Variants in ASTL observed in about 807,000 individuals in gnomAD.
The protein encoded by ASTL is astacin-like metalloendopeptidase.
Under a neutral mutation model 36.7 loss-of-function variants are expected in ASTL, and 27 were observed. The ratio of observed to expected loss-of-function variants is 0.73; its 90% CI spans 0.54 to 1.01. The LOEUF is 1.01. ASTL is among the 50% of genes least tolerant of loss of function. The pLI is 0.00. For missense variants in ASTL, 524 were observed against 572.8 expected, an observed-to-expected ratio of 0.91 and a Z score of 0.87; for synonymous variants, 222 against 228.1, an observed-to-expected ratio of 0.97 and a Z score of 0.24.
intron 8 of ASTL, among the ~76,000 whole-genome samples, chr2:96,129,399 A>G (rs1682123701): frequency 6.6e-6 from 1 of 152,184 alleles, no homozygotes; most frequent in Non-Finnish European, 1.5e-5. Context: ...TGCTTTCAAT[A>G]CAGGTAATCA....
chr2:96,135,405 G>A lies in ASTL; in HGVS notation c.189C>T (p.Ile63=). 6.2e-7 allele frequency: 1 copy of A among 1,614,176 alleles called. No individual in the cohort carries two copies. ...KDIPAINQGL[I]LEETPESSFL... ...AGCTGCTCTCTGGGGTTTCTTCCAG[G>A]ATGAGCCCTGGGAAAGGAAGAAGGA... The change falls in exon 3 of 9, where the codon ATC becomes ATT. Residue 63 remains isoleucine, a synonymous_variant. Transcript: ENST00000342380.
At chr2:96,130,304 C>G (rs750133876) in intron 6 of ASTL, among the ~76,000 whole-genome samples, 159 bp from the exon 7 acceptor site, 3 of 152,154 alleles carry the variant, frequency 2.0e-5, no homozygotes, top group Admixed American at 6.5e-5. Context: ...GTCCCACTTT[C>G]CCAGCCCTGG....
chr2:96,132,388 C>A lies in ASTL; in HGVS notation c.637+152G>T. ...GAGTACCACCTCCAGGTACCAGGTACCAGACAGAAGTGAGACCCCCACCTT... is the reference window on the plus strand; with the variant it reads ...GAGTACCACCTCCAGGTACCAGGTAACAGACAGAAGTGAGACCCCCACCTT... On this transcript the variant is annotated intron_variant, in intron 6 of 8. Transcript: ENST00000342380. This position sits in a 1 kb window ranked among gnomAD's most constrained non-coding sequence, Gnocchi z 5.4. 7.5e-6 allele frequency: 5 copies of A among 670,980 alleles called. No homozygotes were observed. Among genetic ancestry groups the A allele is most frequent in the Non-Finnish European group, 1.2e-5 (5 of 412,874 alleles). 41.6% of individuals were successfully genotyped at this position (670,980 alleles called of 1,614,324 possible).
chr2:96,126,128 G>T (rs559343827), intron 8 of ASTL, among the ~76,000 whole-genome samples: 24 of 152,272 alleles, frequency 1.6e-4, no homozygotes, highest in African/African-American at 5.8e-4. Context: ...GTTAGGCAAA[G>T]GCGTCATAGA....
chr2:96,130,298 C>T (rs1264164556), intron 6 of ASTL, among the ~76,000 whole-genome samples, 153 bp from the exon 7 acceptor site: 1 of 152,192 alleles, frequency 6.6e-6, no homozygotes, highest in Non-Finnish European at 1.5e-5. Flanking sequence ...GTACCAGTCC[C>T]ACTTTCCCAG....
chr2:96,125,094 C>T (rs1041579170), intron 8 of ASTL, among the ~76,000 whole-genome samples: 1 of 152,208 alleles, frequency 6.6e-6, no homozygotes, highest in Non-Finnish European at 1.5e-5. Flanking sequence ...CTCCCCAGAC[C>T]CAGCATCATC....
At chr2:96,129,738 A>G in intron 8 of ASTL, 86 bp downstream of exon 8, 3 of 1,347,458 alleles carry the variant, frequency 2.2e-6, no homozygotes, top group Non-Finnish European at 2.0e-6. Flanking sequence ...CTGCAACCTC[A>G]TCTCCCTCCT....
chr2:96,134,823 T>C (rs1682262851), intron 3 of ASTL, among the ~76,000 whole-genome samples: 1 of 152,232 alleles, frequency 6.6e-6, no homozygotes, highest in African/African-American at 2.4e-5. Context: ...CTGAAACACA[T>C]GGCTGCCATC....
chr2:96,133,613 C>A (rs942131059), intron 4 of ASTL, 71 bp from the exon 5 acceptor site: 1 of 1,139,858 alleles, frequency 8.8e-7, no homozygotes. Context: ...GGTCTGGGAG[C>A]AGAGCTCTGA....
intron 4 of ASTL, 93 bp downstream of exon 4, chr2:96,133,872 G>A (rs1426091562): frequency 2.3e-6 from 2 of 851,850 alleles, no homozygotes; most frequent in African/African-American, 1.7e-5. Flanking sequence ...TGGAAGGGAT[G>A]TGATGGTGTA....
At chr2:96,125,041 C>T (rs758229321) in intron 8 of ASTL, among the ~76,000 whole-genome samples, 2 of 152,186 alleles carry the variant, frequency 1.3e-5, no homozygotes, top group Non-Finnish European at 2.9e-5. Flanking sequence ...TCCACAGTAC[C>T]GCCTCCACCT....
intron 5 of ASTL, 114 bp downstream of exon 5, chr2:96,133,311 G>A: frequency 1.2e-6 from 1 of 806,936 alleles, no homozygotes; most frequent in East Asian, 2.4e-5. Context: ...AGGGTGGGCA[G>A]GGAGACTGAG....
At chr2:96,128,598 CTG>C (rs1473710840) in intron 8 of ASTL, among the ~76,000 whole-genome samples, 1 of 152,182 alleles carries the variant, frequency 6.6e-6, no homozygotes, top group Non-Finnish European at 1.5e-5. Context: ...TGAATGGAAT[CTG>C]TTTCTAAATT....
intron 3 of ASTL, 151 bp from the exon 4 acceptor site, chr2:96,134,209 G>C: frequency 3.1e-6 from 2 of 655,372 alleles, no homozygotes; most frequent in Non-Finnish European, 5.6e-6. Flanking sequence ...AGATGGGACA[G>C]AGCTGTGGAA....
Position 96,123,817 on chromosome 2 carries a change from T to C in ASTL, c.*33A>G. The stretch of plus-strand genomic sequence containing the variant: ...CGACCCAGCTCCACTGGGCAGAGGA[T>C]GCCCTCCCTACTTGGGGACAGAAGC... On this transcript the variant is annotated 3_prime_UTR_variant, in exon 9 of 9. Transcript: ENST00000342380. The C allele has an allele frequency of 1.3e-6, 2 of 1,584,268 alleles. No homozygotes were observed. The highest frequency in any genetic ancestry group is 1.7e-6 in the Non-Finnish European group (2 of 1,160,988).
intron 1 of ASTL, 52 bp downstream of exon 1, chr2:96,138,330 C>A (rs373003880): frequency 2.0e-5 from 31 of 1,537,336 alleles, no homozygotes; most frequent in Non-Finnish European, 2.8e-5. Flanking sequence ...AGCCTCTCCC[C>A]AGCTTTCTCC....
intron 8 of ASTL, among the ~76,000 whole-genome samples, chr2:96,127,041 T>C (rs1682078951): frequency 6.6e-6 from 1 of 152,206 alleles, no homozygotes; most frequent in Non-Finnish European, 1.5e-5. Flanking sequence ...GGTGACTAAG[T>C]ATGGCATATC....
chr2:96,133,514 C>T lies in ASTL; in HGVS notation c.366G>A (p.Glu122=). The T allele has an allele frequency of 1.2e-6, 2 of 1,614,204 alleles. No homozygotes were observed. Among genetic ancestry groups the T allele is most frequent in the Non-Finnish European group, 1.7e-6 (2 of 1,180,028 alleles). Residue 122 remains glutamate (E), a synonymous_variant, in exon 5 of 9, where the codon GAG becomes GAA. Transcript: ENST00000342380. ...YDEPSRQVIL[E]ALAEFERSTC... ...TGGAACGTTCAAACTCCGCAAGAGC[C>T]TCCAGGATGACCTGGCGGCTGGGCT...
intron 8 of ASTL, 129 bp downstream of exon 8, chr2:96,129,695 G>T: frequency 2.4e-6 from 2 of 828,244 alleles, no homozygotes; most frequent in Non-Finnish European, 3.6e-6. Context: ...CTGCGTCGTT[G>T]TGGCAAGCCC....
Sources: gnomAD v4.1 joint callset for allele counts (sites outside exome capture counted in the v4.1 genomes callset) on GRCh38, gnomAD v4.1.1 for gene constraint, Gnocchi (gnomAD v3.1) non-coding constraint, MANE v1.5 for transcripts, NCBI Gene and HGNC (gene_info 2026-07-23, HGNC 2026-07-21) for gene names.